The following CSMD1 variants were observed in gnomAD, a reference collection of about 807,000 sequenced individuals.
The protein encoded by CSMD1 is CUB and sushi domain-containing protein 1.
A neutral mutation model predicts 417.5 loss-of-function variants in CSMD1; 213 were observed. That is an observed-to-expected ratio of 0.51 (90% CI 0.46 to 0.57). The LOEUF is 0.57. Ranked by LOEUF, CSMD1 falls within the 20% of genes least tolerant of loss-of-function variation. CSMD1 has a pLI of 0.00. For synonymous variants in CSMD1, 2,862 were observed against 1,736.8 expected (o/e 1.65, Z -16.11); for missense variants, 6,923 against 4,529.7 (o/e 1.53, Z -15.17).
intron 7 of CSMD1, among the ~76,000 whole-genome samples, chr8:3,702,612 C>T (rs1457410325): frequency 6.6e-6 from 1 of 152,204 alleles, no homozygotes; most frequent in Non-Finnish European, 1.5e-5. Flanking sequence ...AGGCAGATCG[C>T]CTGAGGTCAG....
chr8:3,395,414 G>T (rs1482303960), intron 17 of CSMD1, among the ~76,000 whole-genome samples: 2 of 152,220 alleles, frequency 1.3e-5, no homozygotes, highest in Non-Finnish European at 1.5e-5. Flanking sequence ...TGTTAAAAAT[G>T]TATTCCTAGG....
chr8:3,369,817 C>G (rs185618498), intron 18 of CSMD1, among the ~76,000 whole-genome samples: 1 of 152,178 alleles, frequency 6.6e-6, no homozygotes, highest in African/African-American at 2.4e-5. Context: ...AAAGTGGCAA[C>G]AATTAGGATG....
rs545056689 is a variant in CSMD1 at position 4,062,955 on chromosome 8, C to T, written c.416-30856G>A. ...CTTCTATATAAAAAGCTGTTAACAA[C>T]ATCATCCAGATAAAGGAATAAGGAA... On this transcript the variant is annotated intron_variant, in intron 3 of 69. Transcript: ENST00000635120. Among the ~76,000 whole-genome samples the T allele has an allele frequency of 5.9e-5, 9 of 151,474 alleles. No homozygotes were observed. The South Asian group carries it at 1.9e-3, about 32-fold the overall frequency.
intron 11 of CSMD1, among the ~76,000 whole-genome samples, chr8:3,477,025 G>C (rs1485805092): frequency 1.3e-5 from 2 of 152,044 alleles, no homozygotes; most frequent in Admixed American, 6.6e-5. Context: ...AATGTTCTGT[G>C]TTCTGATTTT....
intron 6 of CSMD1, among the ~76,000 whole-genome samples, chr8:3,747,753 C>T (rs908922512): frequency 9.2e-5 from 14 of 152,056 alleles, no homozygotes; most frequent in African/African-American, 2.9e-4. Context: ...TTTTCTAAAA[C>T]GGTCGTATCA....
chr8:3,828,916 C>A (rs568177107), intron 5 of CSMD1, among the ~76,000 whole-genome samples: 1 of 152,250 alleles, frequency 6.6e-6, no homozygotes, highest in African/African-American at 2.4e-5. Context: ...TTCAGCTCAC[C>A]CATTACTTCT....
At position 3,991,067 on chromosome 8, in the gene CSMD1, G is replaced by A. The variant is rs1031340767; in HGVS notation, c.818+6836C>T. On this transcript the variant is annotated intron_variant, in intron 5 of 69. Transcript: ENST00000635120. ...TTGTGGGGCTGCAGCATCTTTCCCA[G>A]AAATTCCTTCGCTGCCCAGCGGCTT... is the stretch of plus-strand genomic sequence containing the variant. Among the ~76,000 whole-genome samples the A allele has an allele frequency of 7.2e-5, 11 of 152,308 alleles. No individual in the cohort carries two copies. The East Asian group carries it at 1.4e-3, about 19-fold the overall frequency.
chr8:3,643,584 C>G (rs1472941525), intron 7 of CSMD1, among the ~76,000 whole-genome samples: 5 of 151,670 alleles, frequency 3.3e-5, no homozygotes, highest in Admixed American at 3.3e-4. Context: ...GCCTGTAGTC[C>G]CAACTACCCG....
At chr8:3,495,661 G>C (rs765097865) in intron 10 of CSMD1, among the ~76,000 whole-genome samples, 30 of 152,190 alleles carry the variant, frequency 2.0e-4, no homozygotes, top group Non-Finnish European at 4.1e-4. Context: ...AATATATGCA[G>C]CTGTAAAATA....
chr8:4,142,927 G>T (rs71523609), intron 3 of CSMD1, among the ~76,000 whole-genome samples: 2 of 150,306 alleles, frequency 1.3e-5, no homozygotes, highest in Non-Finnish European at 2.9e-5. Flanking sequence ...GTCATATGTT[G>T]AAGTATTTGC....
rs111978094 is a variant in CSMD1, at chr8:4,342,434, CT to C, written c.415+77518del. 2.7e-3 allele frequency among the ~76,000 whole-genome samples: 418 copies of C among 152,136 alleles called. 4 individuals are homozygous for C. Among genetic ancestry groups the C allele is most frequent in the African/African-American group, 9.5e-3 (395 of 41,518 alleles). ...TAATCACTTTCTGAACTGTTGAAAA[CT>C]ATTCTGGCTATCCCAACAGCAGACA... is the stretch of plus-strand genomic sequence containing the variant. On this transcript the variant is annotated intron_variant, in intron 3 of 69. Transcript: ENST00000635120.
At chr8:3,698,726 G>A (rs1433803658) in intron 7 of CSMD1, among the ~76,000 whole-genome samples, 1 of 152,210 alleles carries the variant, frequency 6.6e-6, no homozygotes, top group Admixed American at 6.5e-5. Flanking sequence ...TCTCACAGAT[G>A]AGTAAAGAGG....
chr8:3,269,151 A>C (rs1330907782), intron 26 of CSMD1, among the ~76,000 whole-genome samples: 1 of 152,236 alleles, frequency 6.6e-6, no homozygotes, highest in East Asian at 1.9e-4. Flanking sequence ...TCAATTCAAC[A>C]CGCATTCTTC....
chr8:3,202,880 G>A (rs914346688), intron 31 of CSMD1, among the ~76,000 whole-genome samples: 6 of 152,282 alleles, frequency 3.9e-5, no homozygotes, highest in Admixed American at 2.0e-4. Flanking sequence ...AAGAAGGCAT[G>A]TAGGCTAGGT....
chr8:4,204,614 A>G (rs1799869834), intron 3 of CSMD1, among the ~76,000 whole-genome samples: 1 of 152,206 alleles, frequency 6.6e-6, no homozygotes, highest in African/African-American at 2.4e-5. Context: ...AAAGTGTGTA[A>G]GGAGACAGTA....
intron 1 of CSMD1, among the ~76,000 whole-genome samples, chr8:4,927,728 G>C (rs1227147259): frequency 6.6e-6 from 1 of 152,130 alleles, no homozygotes; most frequent in Non-Finnish European, 1.5e-5. Context: ...TTATCTGCAA[G>C]TTAACATAAA....
chr8:4,004,260 T>C (rs560691839), intron 4 of CSMD1, among the ~76,000 whole-genome samples: 3 of 152,068 alleles, frequency 2.0e-5, no homozygotes, highest in Non-Finnish European at 2.9e-5. Flanking sequence ...CTAAAAAACA[T>C]CCCAGTAACA....
intron 7 of CSMD1, among the ~76,000 whole-genome samples, chr8:3,641,140 G>T (rs1054989577): frequency 1.2e-4 from 18 of 147,290 alleles, no homozygotes; most frequent in African/African-American, 4.5e-4. Flanking sequence ...TGCTCAGACA[G>T]ACCGGTTCTC....
chr8:4,964,502 CAAAAAAAAAAA>C, intron 1 of CSMD1, among the ~76,000 whole-genome samples: 1 of 105,976 alleles, frequency 9.4e-6, no homozygotes, highest in East Asian at 3.1e-4. Context: ...ACCCTGTCTC[CAAAAAAAAAAA>C]AAAAAAAAAA....
Sources: allele counts gnomAD v4.1 joint callset (sites outside exome capture counted in the v4.1 genomes callset), GRCh38; gene constraint gnomAD v4.1.1; transcripts MANE v1.5; gene names NCBI Gene and HGNC (gene_info 2026-07-23, HGNC 2026-07-21).